IPO5: variants seen among roughly 807,000 people sequenced by gnomAD.
IPO5 encodes the protein importin-5.
A neutral mutation model predicts 143.3 loss-of-function variants in IPO5; 18 were observed. The observed-to-expected ratio is 0.13, with a 90% confidence interval of 0.09 to 0.19. The LOEUF is 0.19. Ranked by LOEUF, IPO5 falls within the 10% of genes least tolerant of loss-of-function variation. The pLI is 1.00. For missense variants in IPO5, 1,013 were observed against 1,336.9 expected (o/e 0.76, Z 3.78); for synonymous variants, 477 against 465.7 (o/e 1.02, Z -0.31).
intron 11 of IPO5, 71 bp from the exon 12 acceptor site, chr13:97,997,460 C>T (rs908219645): frequency 1.3e-6 from 1 of 783,716 alleles, no homozygotes; most frequent in African/African-American, 1.8e-5. Context: ...TCTTAAAATT[C>T]TTGTTTATAA....
intron 2 of IPO5, among the ~76,000 whole-genome samples, chr13:97,964,531 T>G (rs1286466603): frequency 7.5e-5 from 11 of 145,954 alleles, no homozygotes; most frequent in Non-Finnish European, 1.5e-4. Context: ...CACTGCAAGC[T>G]CCGCCTCCCG....
chr13:98,016,863 C>G lies in IPO5; in HGVS notation c.2616+12C>G. The G allele has an allele frequency of 6.6e-7, 1 of 1,525,818 alleles. No homozygotes were observed. Among genetic ancestry groups the G allele is most frequent in the East Asian group, 2.5e-5 (1 of 39,864 alleles). The allele number at this position is 1,525,818 out of a possible 1,614,324, so 94.5% of individuals were successfully genotyped here. On this transcript the variant is annotated intron_variant, in intron 25 of 28. Coordinates refer to ENST00000651721, the MANE Select transcript of IPO5 (RefSeq NM_002271.6). The stretch of plus-strand genomic sequence containing the variant: ...TTGTCAACCTCATTGTAAGTGTTAC[C>G]TCTCTTAATAGTTGTTTTGCGTAGT...
chr13:97,967,820 A>C (rs1017891906), intron 2 of IPO5, among the ~76,000 whole-genome samples: 8 of 152,056 alleles, frequency 5.3e-5, no homozygotes, highest in Non-Finnish European at 1.2e-4. Context: ...TTTAGCAGAG[A>C]CGGCGTTTCA....
chr13:97,975,000 C>A (rs1015222498), intron 3 of IPO5, among the ~76,000 whole-genome samples: 7 of 152,170 alleles, frequency 4.6e-5, no homozygotes, highest in Admixed American at 2.6e-4. Context: ...TAAAATCATT[C>A]ACCAAAGAGC....
Position 98,013,046 on chromosome 13 carries a change from C to T in IPO5, c.2152+704C>T, listed in dbSNP as rs1408987781. The stretch of plus-strand genomic sequence containing the variant: ...TGTGGATAGCACCTTTGCGGGGAAA[C>T]ATCACTTGGCACATCTGCATTCTTT... On this transcript the variant is annotated intron_variant, in intron 21 of 28. Transcript: ENST00000651721. Among the ~76,000 whole-genome samples the T allele has an allele frequency of 2.6e-5, 4 of 151,952 alleles. No individual in the cohort carries two copies. In the East Asian group the frequency reaches 5.8e-4, roughly 22 times the overall value.
chr13:97,998,093 A>AG (rs1481398206), intron 12 of IPO5, among the ~76,000 whole-genome samples: 1 of 152,204 alleles, frequency 6.6e-6, no homozygotes, highest in East Asian at 1.9e-4. Flanking sequence ...CTCCTGCCTC[A>AG]GCCTCCCGAG....
At chr13:97,964,566 T>A (rs1172798934) in intron 2 of IPO5, among the ~76,000 whole-genome samples, 1 of 150,346 alleles carries the variant, frequency 6.7e-6, no homozygotes, top group East Asian at 2.0e-4. Context: ...TCCTGCCGAG[T>A]AGCTGGGACT....
intron 25 of IPO5, among the ~76,000 whole-genome samples, chr13:98,017,958 C>T (rs1364391333): frequency 6.6e-6 from 1 of 152,118 alleles, no homozygotes; most frequent in African/African-American, 2.4e-5. Context: ...TGAGCCACCT[C>T]GCCTGGCTGT....
intron 19 of IPO5, 36 bp downstream of exon 19, chr13:98,010,049 G>T (rs368596804): frequency 2.5e-6 from 4 of 1,613,476 alleles, no homozygotes; most frequent in Non-Finnish European, 3.4e-6. Flanking sequence ...GGTTATAATA[G>T]TTCTCTCTTT....
At chr13:97,972,674 C>A (rs778406796) in intron 3 of IPO5, among the ~76,000 whole-genome samples, 1 of 152,174 alleles carries the variant, frequency 6.6e-6, no homozygotes, top group Non-Finnish European at 1.5e-5. Context: ...TACATTACTT[C>A]GGGGCAGTTT....
chr13:97,971,104 T>C (rs1846910966), intron 3 of IPO5, among the ~76,000 whole-genome samples: 1 of 152,230 alleles, frequency 6.6e-6, no homozygotes, highest in Non-Finnish European at 1.5e-5. Context: ...AACTTGCACA[T>C]TGGCCGGCTC....
intron 2 of IPO5, chr13:97,963,067 C>T (rs1885020904): frequency 6.6e-6 from 1 of 152,128 alleles, no homozygotes; most frequent in Non-Finnish European, 1.5e-5. Context: ...CTATTAAGGC[C>T]TTCAACTGAT....
chr13:98,005,721 A>C (rs1294862564), intron 16 of IPO5, among the ~76,000 whole-genome samples: 2 of 152,234 alleles, frequency 1.3e-5, no homozygotes, highest in Admixed American at 1.3e-4. Flanking sequence ...GAAGGGGCCA[A>C]AGAGGGAATT....
At chr13:97,957,259 G>A (rs1415575323) in intron 2 of IPO5, among the ~76,000 whole-genome samples, 17 of 151,714 alleles carry the variant, frequency 1.1e-4, no homozygotes, top group East Asian at 7.8e-4. Context: ...GTGCAGTGGC[G>A]TGATCTCAGC....
intron 2 of IPO5, among the ~76,000 whole-genome samples, chr13:97,955,150 G>A (rs1174229830): frequency 6.6e-6 from 1 of 151,956 alleles, no homozygotes; most frequent in East Asian, 1.9e-4. Context: ...GATTCCTTGA[G>A]CTGGGGAGGT....
At chr13:98,005,075 T>G (rs1566543166) in intron 16 of IPO5, among the ~76,000 whole-genome samples, 1 of 151,938 alleles carries the variant, frequency 6.6e-6, no homozygotes, top group East Asian at 1.9e-4. Context: ...TTTTGTATTT[T>G]GAGTGGAGAC....
At chr13:97,960,485 A>G (rs1490870176) in intron 2 of IPO5, 3 of 152,064 alleles carry the variant, frequency 2.0e-5, no homozygotes, top group Admixed American at 1.3e-4. Flanking sequence ...AAGGAAATGT[A>G]TTTTTAATAT....
At chr13:97,963,602 T>C (rs1885066296) in intron 2 of IPO5, among the ~76,000 whole-genome samples, 1 of 152,070 alleles carries the variant, frequency 6.6e-6, no homozygotes, top group Admixed American at 6.6e-5. Context: ...TCTTCTGACC[T>C]CATGATCTGC....
At chr13:97,984,200 G>A (rs1039202240) in intron 5 of IPO5, among the ~76,000 whole-genome samples, 3 of 151,166 alleles carry the variant, frequency 2.0e-5, no homozygotes, top group African/African-American at 4.9e-5. Context: ...GGATGGTCTC[G>A]ATCTCCTGAC....
Sources: allele counts gnomAD v4.1 joint callset (sites outside exome capture counted in the v4.1 genomes callset), GRCh38; gene constraint gnomAD v4.1.1; transcripts MANE v1.5; gene names NCBI Gene and HGNC (gene_info 2026-07-23, HGNC 2026-07-21).